UBE2G1: variants seen among roughly 807,000 people sequenced by gnomAD.
The protein encoded by UBE2G1 is ubiquitin conjugating enzyme E2 G1.
A neutral mutation model predicts 22.7 loss-of-function variants in UBE2G1; 5 were observed. That is an observed-to-expected ratio of 0.22 (90% confidence interval 0.12 to 0.46). UBE2G1 has a LOEUF of 0.46. Ranked by LOEUF, UBE2G1 falls within the 20% of genes least tolerant of loss-of-function variation. The probability of loss-of-function intolerance (pLI) is 0.99; values close to 1 mark genes in which losing one functional copy is unlikely to be tolerated. For synonymous variants in UBE2G1, 74 were observed against 67.5 expected (o/e 1.10, Z -0.47); for missense variants, 88 against 203.9 (o/e 0.43, Z 3.46).
chr17:4,363,821 G>A (rs1430436707), intron 1 of UBE2G1, among the ~76,000 whole-genome samples: 1 of 151,518 alleles, frequency 6.6e-6, no homozygotes, highest in Non-Finnish European at 1.5e-5. Context: ...GCGTGGTGGC[G>A]GGCGCCTGTA....
Position 4,366,467 on chromosome 17 carries a change from G to C in UBE2G1, c.-151C>G. 4 of 666,034 alleles carry C rather than the reference G, an allele frequency of 6.0e-6. No individual in the cohort carries two copies. The highest frequency in any genetic ancestry group is 8.9e-6 in the Non-Finnish European group (4 of 449,850). 41.3% of individuals were successfully genotyped at this position (666,034 alleles called of 1,614,324 possible). A position where few individuals can be genotyped will look rare whatever the true frequency, so the allele number is the denominator to read the frequency against. On this transcript the variant is annotated 5_prime_UTR_variant, in exon 1 of 6. Transcript: ENST00000396981. ...AGGCCGGGCTGAGGCGGCGGGAGCG[G>C]CGCCTCGCTGCCGGTGCGAGTCCGC...
chr17:4,351,762 T>C (rs1969846950), intron 1 of UBE2G1, among the ~76,000 whole-genome samples: 1 of 152,176 alleles, frequency 6.6e-6, no homozygotes, highest in African/African-American at 2.4e-5. Context: ...TCTGTTTACC[T>C]AGGGTGAAAG....
chr17:4,347,439 C>CATATT (rs552640361), intron 1 of UBE2G1, among the ~76,000 whole-genome samples: 77 of 140,580 alleles, frequency 5.5e-4, no homozygotes, highest in Non-Finnish European at 4.7e-4. Flanking sequence ...GTCTCTGTGT[C>CATATT]ATATTTCGGT....
intron 1 of UBE2G1, among the ~76,000 whole-genome samples, chr17:4,350,949 C>T (rs1475035503): frequency 2.6e-5 from 4 of 151,158 alleles, no homozygotes; most frequent in Middle Eastern, 3.2e-3. Context: ...AGGAGAATGG[C>T]GTGAACTCGG....
At chr17:4,327,485 AAAAAG>A (rs758326507) in intron 1 of UBE2G1, among the ~76,000 whole-genome samples, 105 of 152,256 alleles carry the variant, frequency 6.9e-4, no homozygotes, top group Middle Eastern at 3.4e-3. Context: ...AAAGAAACAG[AAAAAG>A]AAAAGAAAAT....
intron 5 of UBE2G1, among the ~76,000 whole-genome samples, chr17:4,279,243 C>G (rs1968854285): frequency 6.7e-6 from 1 of 149,744 alleles, no homozygotes; most frequent in East Asian, 2.0e-4. Flanking sequence ...CCATTGCACT[C>G]CAGCCTGGGC....
At position 4,269,520 on chromosome 17, in the gene UBE2G1, C is replaced by A; in HGVS notation, c.*3034G>T. ...CACCACAGCCCAAAGCGGGCAGATT[C>A]GTCGAGGGTGAGTGGGCATATCAAA... On this transcript the variant is annotated 3_prime_UTR_variant, in exon 6 of 6. Coordinates refer to ENST00000396981, the MANE Select transcript of UBE2G1 (RefSeq NM_003342.5). 2 of 186,226 alleles carry A rather than the reference C, an allele frequency of 1.1e-5. No homozygotes were observed. The highest frequency in any genetic ancestry group is 2.3e-5 in the Non-Finnish European group (2 of 88,738). 11.5% of individuals were successfully genotyped at this position (186,226 alleles called of 1,614,324 possible).
intron 1 of UBE2G1, among the ~76,000 whole-genome samples, chr17:4,312,392 A>G (rs1969320022): frequency 6.6e-6 from 1 of 152,108 alleles, no homozygotes; most frequent in Non-Finnish European, 1.5e-5. Context: ...AAATATTAAC[A>G]ACTGAGAAAC....
intron 1 of UBE2G1, among the ~76,000 whole-genome samples, chr17:4,365,545 C>G (rs1206953266): frequency 6.6e-6 from 1 of 152,118 alleles, no homozygotes; most frequent in Non-Finnish European, 1.5e-5. Flanking sequence ...TGCGCAGCAG[C>G]CGGAATCGCG....
At position 4,289,405 on chromosome 17, in the gene UBE2G1, T is replaced by C. The variant is rs991077395; in HGVS notation, c.251A>G (p.Asp84Gly). The C allele has an allele frequency of 5.4e-6, 8 of 1,490,664 alleles. 1 individual carries two copies. The highest frequency in any genetic ancestry group is 7.2e-6 in the Non-Finnish European group (8 of 1,115,044). 92.3% of individuals were successfully genotyped at this position (1,490,664 alleles called of 1,614,324 possible). Residue 84 changes from aspartate (D) to glycine (G), a missense_variant, in exon 4 of 6, where the codon GAT (aspartate) becomes GGT (glycine). By Grantham distance (94) the Asp-to-Gly change is moderately conservative. Transcript: ENST00000396981. ...FITEIWHPNV[D>G]KNGDVCISIL... ...AGAAATGCACACATCACCATTTTTA[T>C]CAACTGCAAAATTCAAGAAGAGGCT...
At chr17:4,344,213 A>T (rs1453914135) in intron 1 of UBE2G1, among the ~76,000 whole-genome samples, 1 of 152,198 alleles carries the variant, frequency 6.6e-6, no homozygotes, top group Non-Finnish European at 1.5e-5. Flanking sequence ...ACTGAGTGTT[A>T]TACAAAGTAA....
At position 4,313,514 on chromosome 17, in the gene UBE2G1, G is replaced by A. The variant is rs529281345; in HGVS notation, c.47-6391C>T. 1.4e-4 allele frequency among the ~76,000 whole-genome samples: 21 copies of A among 152,082 alleles called. 1 individual carries two copies. Among genetic ancestry groups the A allele is most frequent in the Non-Finnish European group, 2.4e-4 (16 of 67,998 alleles). The stretch of plus-strand genomic sequence containing the variant: ...GAGATAAAATTAAGAGTTGGAAAGG[G>A]CTAGAAAGACCTCTCTTTCTCACAA... On this transcript the variant is annotated intron_variant, in intron 1 of 5. Coordinates refer to ENST00000396981, the MANE Select transcript of UBE2G1 (RefSeq NM_003342.5).
rs141997308 is a variant in UBE2G1 at position 4,312,424 on chromosome 17, G to C, written c.47-5301C>G. Among the ~76,000 whole-genome samples the C allele has an allele frequency of 3.4e-4, 51 of 152,172 alleles. 1 individual carries two copies. The East Asian group carries it at 7.9e-3, about 24-fold the overall frequency. ...AAACAAAAAACAGGAGGCGGCACAA[G>C]GTAAACTGAGAAAGGTAAGCCAGTG... On this transcript the variant is annotated intron_variant, in intron 1 of 5. Coordinates refer to ENST00000396981, the MANE Select transcript of UBE2G1 (RefSeq NM_003342.5).
chr17:4,289,671 C>T (rs1035546024), intron 3 of UBE2G1, among the ~76,000 whole-genome samples: 1 of 152,086 alleles, frequency 6.6e-6, no homozygotes, highest in Non-Finnish European at 1.5e-5. Flanking sequence ...ATATCTAGCA[C>T]GTAGATGGTG....
chr17:4,326,201 G>A (rs899675955), intron 1 of UBE2G1, among the ~76,000 whole-genome samples: 2 of 152,020 alleles, frequency 1.3e-5, no homozygotes, highest in African/African-American at 2.4e-5. Context: ...TCTGATAAAG[G>A]ATTAATATCC....
At chr17:4,353,357 A>G (rs8069251) in intron 1 of UBE2G1, among the ~76,000 whole-genome samples, 3,278 of 152,196 alleles carry the variant, frequency 0.022, 89 homozygotes, top group African/African-American at 0.06. Flanking sequence ...AAGAATGTGT[A>G]TAATATTGTG....
intron 2 of UBE2G1, chr17:4,301,285 C>A (rs1969176057): frequency 2.5e-6 from 1 of 402,790 alleles, no homozygotes; most frequent in South Asian, 2.1e-5. Flanking sequence ...TCCGTGGGCA[C>A]TGCTTTTCTG....
intron 1 of UBE2G1, among the ~76,000 whole-genome samples, chr17:4,316,566 T>G (rs1269607710): frequency 2.0e-5 from 3 of 152,224 alleles, no homozygotes; most frequent in Non-Finnish European, 2.9e-5. Flanking sequence ...ATTTCCTCTT[T>G]AGATTTCAAG....
chr17:4,353,468 C>T (rs1567530502), intron 1 of UBE2G1, among the ~76,000 whole-genome samples: 3 of 150,286 alleles, frequency 2.0e-5, no homozygotes, highest in African/African-American at 5.0e-5. Flanking sequence ...TATATACACA[C>T]ACACACACAC....
Sources: gnomAD v4.1 joint callset for allele counts (sites outside exome capture counted in the v4.1 genomes callset) on GRCh38, gnomAD v4.1.1 for gene constraint, MANE v1.5 for transcripts, NCBI Gene and HGNC (gene_info 2026-07-23, HGNC 2026-07-21) for gene names.